The following MMP26 variants were observed in gnomAD, a reference collection of about 807,000 sequenced individuals.
The protein encoded by MMP26 is matrix metalloproteinase-26.
MMP26 carries 33 observed loss-of-function variants against 31.0 expected under a neutral mutation model. The ratio of observed to expected loss-of-function variants is 1.06; its 90% CI spans 0.81 to 1.42. The LOEUF (loss-of-function observed/expected upper bound fraction) is 1.42. Ranked by LOEUF, MMP26 falls within the 40% of genes most tolerant of loss-of-function variation. The pLI is 0.00. For synonymous variants in MMP26, 122 were observed against 114.9 expected (o/e 1.06, Z -0.40); for missense variants, 347 against 316.1 (o/e 1.10, Z -0.74).
intron 2 of MMP26, among the ~76,000 whole-genome samples, chr11:4,781,772 T>G (rs1344826920): frequency 6.6e-6 from 1 of 152,072 alleles, no homozygotes; most frequent in African/African-American, 2.4e-5. Context: ...GGGAGGGACC[T>G]GGTAGGAAGT....
chr11:4,875,458 G>A (rs1850367118), intron 2 of MMP26: 1 of 152,078 alleles, frequency 6.6e-6, no homozygotes. Context: ...CTAAAACCAA[G>A]ATTTAAGGCA....
At chr11:4,969,692 T>C (rs1846639770) in intron 2 of MMP26, among the ~76,000 whole-genome samples, 1 of 152,148 alleles carries the variant, frequency 6.6e-6, no homozygotes, top group African/African-American at 2.4e-5. Flanking sequence ...GTTCCTAGGT[T>C]GAATAATTTT....
At chr11:4,842,571 C>T (rs925413713) in intron 2 of MMP26, among the ~76,000 whole-genome samples, 3 of 152,168 alleles carry the variant, frequency 2.0e-5, no homozygotes, top group Non-Finnish European at 4.4e-5. Flanking sequence ...TACTCACTAT[C>T]ATGAGAACAG....
chr11:4,863,651 G>C (rs557396180), intron 2 of MMP26: 1 of 152,086 alleles, frequency 6.6e-6, no homozygotes, highest in African/African-American at 2.4e-5. Flanking sequence ...AATTAATTTG[G>C]CTTCTTTCCT....
intron 2 of MMP26, among the ~76,000 whole-genome samples, chr11:4,776,640 T>C (rs533688532): frequency 6.6e-6 from 1 of 152,142 alleles, no homozygotes; most frequent in Non-Finnish European, 1.5e-5. Context: ...GATTGAATCA[T>C]GGGGGCAGAT....
intron 2 of MMP26, chr11:4,875,813 A>C (rs1850371478): frequency 6.6e-6 from 1 of 152,096 alleles, no homozygotes; most frequent in South Asian, 2.1e-4. Context: ...GGACATCTTT[A>C]AGGGTATTAT....
intron 2 of MMP26, chr11:4,793,845 T>C (rs1402322266): frequency 5.3e-5 from 8 of 152,100 alleles, no homozygotes; most frequent in Non-Finnish European, 8.8e-5. Context: ...GGTGATGGTA[T>C]TGAACATGGA....
At chr11:4,965,052 C>T (rs1564816251) in intron 2 of MMP26, among the ~76,000 whole-genome samples, 1 of 152,196 alleles carries the variant, frequency 6.6e-6, no homozygotes, top group Non-Finnish European at 1.5e-5. Context: ...AACCTGTCCA[C>T]ATGCTGCACA....
chr11:4,848,352 A>G (rs200928180), intron 2 of MMP26: 2 of 1,614,022 alleles, frequency 1.2e-6, no homozygotes, highest in Non-Finnish European at 1.7e-6. Context: ...AAGGAAATGG[A>G]CATAGGATAG....
intron 1 of MMP26, among the ~76,000 whole-genome samples, chr11:4,748,457 A>G (rs527949000): frequency 8.2e-4 from 124 of 152,140 alleles, no homozygotes; most frequent in Non-Finnish European, 1.5e-3. Context: ...AGACTGTATC[A>G]CCAATACCAA....
At chr11:4,723,206 T>C in intron 1 of MMP26, 4 of 1,527,726 alleles carry the variant, frequency 2.6e-6, no homozygotes, top group Middle Eastern at 2.2e-4. Context: ...GGAAGCCCTC[T>C]GGCCTTTGAG....
At chr11:4,930,862 T>A (rs1365409946) in intron 2 of MMP26, among the ~76,000 whole-genome samples, 1 of 151,976 alleles carries the variant, frequency 6.6e-6, no homozygotes, top group Admixed American at 6.6e-5. Context: ...AAATAATATT[T>A]ACATACATAC....
At chr11:4,809,057 G>A (rs981939890) in intron 2 of MMP26, among the ~76,000 whole-genome samples, 1 of 151,918 alleles carries the variant, frequency 6.6e-6, no homozygotes, top group Admixed American at 6.6e-5. Flanking sequence ...AGCACAGGTT[G>A]TCAGCTTGCT....
chr11:4,913,579 A>T (rs1851025633), intron 2 of MMP26: 2 of 152,190 alleles, frequency 1.3e-5, no homozygotes, highest in Admixed American at 1.3e-4. Flanking sequence ...TACAATAACA[A>T]TACAACATAT....
At chr11:4,940,212 C>T (rs953560430) in intron 2 of MMP26, among the ~76,000 whole-genome samples, 2 of 151,988 alleles carry the variant, frequency 1.3e-5, no homozygotes, top group Non-Finnish European at 2.9e-5. Flanking sequence ...GGTGCAGTGA[C>T]TTAAGGTAGA....
intron 2 of MMP26, among the ~76,000 whole-genome samples, chr11:4,924,882 G>T (rs2133584848): frequency 6.6e-6 from 1 of 152,248 alleles, no homozygotes; most frequent in East Asian, 1.9e-4. Flanking sequence ...ATGACATCTA[G>T]GTATCCAGGT....
At chr11:4,731,103 C>T (rs1848168086) in intron 1 of MMP26, among the ~76,000 whole-genome samples, 1 of 152,072 alleles carries the variant, frequency 6.6e-6, no homozygotes, top group South Asian at 2.1e-4. Flanking sequence ...CACCACCACT[C>T]CAGACTAATT....
Position 4,911,243 on chromosome 11 carries a change from A to G in MMP26, c.-144-76825A>G, listed in dbSNP as rs1000286318. On this transcript the variant is annotated intron_variant, in intron 2 of 7. Coordinates refer to ENST00000380390, the MANE Select transcript of MMP26 (RefSeq NM_021801.5). ...ATTTCAGCAAATAATGGACTTTGTT[A>G]TCTCTCAGCTTTTTCTCAGAATATT... 5.3e-5 allele frequency among the ~76,000 whole-genome samples: 8 copies of G among 152,152 alleles called. 1 individual carries two copies. Among genetic ancestry groups the G allele is most frequent in the African/African-American group, 1.9e-4 (8 of 41,460 alleles).
intron 2 of MMP26, among the ~76,000 whole-genome samples, chr11:4,928,181 C>CT (rs1427235724): frequency 6.6e-5 from 10 of 151,732 alleles, no homozygotes; most frequent in African/African-American, 1.9e-4. Flanking sequence ...ATTTTTCCTC[C>CT]TTTTTTTTAC....
Sources: gnomAD v4.1 joint callset for allele counts (sites outside exome capture counted in the v4.1 genomes callset) on GRCh38, gnomAD v4.1.1 for gene constraint, MANE v1.5 for transcripts, NCBI Gene and HGNC (gene_info 2026-07-23, HGNC 2026-07-21) for gene names.